Variants in TRAPPC9 observed in about 807,000 individuals in gnomAD.
The protein encoded by TRAPPC9 is trafficking protein particle complex subunit 9, also known as IKK2 binding protein.
TRAPPC9 carries 83 observed loss-of-function variants against 124.0 expected under a neutral mutation model. The ratio of observed to expected loss-of-function variants is 0.67; its 90% CI spans 0.56 to 0.80. The LOEUF (loss-of-function observed/expected upper bound fraction) is 0.80, where lower values mean the gene tolerates loss of function less well. Ranked by LOEUF, TRAPPC9 falls within the 30% of genes least tolerant of loss-of-function variation. TRAPPC9 has a pLI of 0.00. For missense variants in TRAPPC9, 1,302 were observed against 1,508.3 expected (o/e 0.86, Z 2.27); for synonymous variants, 638 against 617.5 (o/e 1.03, Z -0.49).
intron 18 of TRAPPC9, among the ~76,000 whole-genome samples, chr8:140,009,365 G>A (rs997639383): frequency 6.6e-6 from 1 of 152,160 alleles, no homozygotes; most frequent in African/African-American, 2.4e-5. Flanking sequence ...AGTCAGCAAG[G>A]ATCAGGAAAA....
At chr8:139,933,157 G>T (rs1330308184) in intron 19 of TRAPPC9, 1 of 154,442 alleles carries the variant, frequency 6.5e-6, no homozygotes, top group African/African-American at 2.4e-5. Context: ...CAGCTGCCTT[G>T]AGGACATGCC....
intron 16 of TRAPPC9, among the ~76,000 whole-genome samples, chr8:140,247,995 G>A (rs1273562795): frequency 1.3e-5 from 2 of 152,012 alleles, no homozygotes; most frequent in African/African-American, 2.4e-5. Flanking sequence ...CAGCTTCTGA[G>A]CACGTTCTTC....
intron 20 of TRAPPC9, among the ~76,000 whole-genome samples, chr8:139,898,294 C>T (rs1031931584): frequency 9.9e-5 from 15 of 152,220 alleles, no homozygotes; most frequent in African/African-American, 2.9e-4. Context: ...ATACTTGTGG[C>T]CATGACCGAT....
intron 9 of TRAPPC9, among the ~76,000 whole-genome samples, chr8:140,357,987 C>T (rs2067805920): frequency 6.6e-6 from 1 of 152,236 alleles, no homozygotes; most frequent in Non-Finnish European, 1.5e-5. Flanking sequence ...ACAACAGCTA[C>T]TCCACACGAG....
intron 9 of TRAPPC9, among the ~76,000 whole-genome samples, chr8:140,341,042 G>C (rs1588177291): frequency 6.6e-6 from 1 of 152,088 alleles, no homozygotes; most frequent in East Asian, 1.9e-4. Context: ...TCATGTTACT[G>C]AGGAGGAAAC....
At chr8:139,771,987 G>A (rs555013262) in intron 21 of TRAPPC9, among the ~76,000 whole-genome samples, 1 of 152,250 alleles carries the variant, frequency 6.6e-6, no homozygotes, top group East Asian at 1.9e-4. Flanking sequence ...TGAGCTCACA[G>A]TGACAGCCCC....
At chr8:140,024,609 C>T (rs1840016065) in intron 17 of TRAPPC9, among the ~76,000 whole-genome samples, 1 of 152,050 alleles carries the variant, frequency 6.6e-6, no homozygotes, top group Non-Finnish European at 1.5e-5. Flanking sequence ...GTTGGCCAGG[C>T]TGTTCTTGAA....
In TRAPPC9 at chr8:139,989,314, T is replaced by C. The variant is rs567247184; in HGVS notation, c.2700-478A>G. Among the ~76,000 whole-genome samples the C allele has an allele frequency of 6.4e-3, 860 of 134,242 alleles. 6 individuals are homozygous for C. Among genetic ancestry groups the C allele is most frequent in the African/African-American group, 0.02 (820 of 41,118 alleles). The allele number at this position is 134,242 out of a possible 152,430, so 88.1% of individuals were successfully genotyped here. On this transcript the variant is annotated intron_variant, in intron 18 of 22. Coordinates refer to ENST00000438773, the MANE Select transcript of TRAPPC9 (RefSeq NM_001160372.4). ...TGGTGACGCATGTCCTGCTTGTGTG[T>C]GTGTGTGCACATCCAGCACGAGCTT...
At chr8:140,190,567 G>A (rs527668754) in intron 17 of TRAPPC9, among the ~76,000 whole-genome samples, 13 of 152,276 alleles carry the variant, frequency 8.5e-5, no homozygotes, top group Middle Eastern at 3.4e-3. Flanking sequence ...GGGCCCAACC[G>A]CCCAGGTACA....
At chr8:140,372,549 G>C (rs1394955704) in intron 7 of TRAPPC9, among the ~76,000 whole-genome samples, 1 of 152,142 alleles carries the variant, frequency 6.6e-6, no homozygotes, top group East Asian at 1.9e-4. Context: ...CCCGAGCCAC[G>C]GTTTGAATGT....
chr8:140,358,280 C>T lies in TRAPPC9; in HGVS notation c.1495+1770G>A, dbSNP rs140794898. Among the ~76,000 whole-genome samples the T allele has an allele frequency of 4.1e-3, 622 of 152,318 alleles. 5 individuals carry two copies. The highest frequency in any genetic ancestry group is 6.5e-3 in the Admixed American group (100 of 15,308). On this transcript the variant is annotated intron_variant, in intron 9 of 22. Transcript: ENST00000438773. The stretch of plus-strand genomic sequence containing the variant: ...GGAGTGCAATGGCGCAACATTGGCT[C>T]TCTGCAAGCGCCACTCCTGGGTTCA...
At position 140,300,588 on chromosome 8, in the gene TRAPPC9, G is replaced by A; in HGVS notation, c.1649C>T (p.Ala550Val). Residue 550 changes from alanine (A) to valine (V), a missense_variant, in exon 11 of 23, where the codon GCT (alanine) becomes GTT (valine). Coordinates refer to ENST00000438773, the MANE Select transcript of TRAPPC9 (RefSeq NM_001160372.4). ...VRHVKLLNLPASLRPHKMKSL... is the reference protein window; with the variant it reads ...VRHVKLLNLPVSLRPHKMKSL... ...TTTCATTTTGTGTGGCCGGAGGCTA[G>A]CAGGAAGGTTCAATAGTTTCACATG... is the stretch of plus-strand genomic sequence containing the variant. 1 of 1,614,256 alleles carries A rather than the reference G, an allele frequency of 6.2e-7. No individual in the cohort carries two copies. Among genetic ancestry groups the A allele is most frequent in the Non-Finnish European group, 8.5e-7 (1 of 1,180,040 alleles).
intron 9 of TRAPPC9, among the ~76,000 whole-genome samples, chr8:140,356,026 C>T (rs2067731538): frequency 6.6e-6 from 1 of 152,162 alleles, no homozygotes; most frequent in African/African-American, 2.4e-5. Context: ...GTTAAAGCAT[C>T]AATGAGAACC....
intron 17 of TRAPPC9, among the ~76,000 whole-genome samples, chr8:140,032,363 T>C (rs746099369): frequency 6.6e-6 from 1 of 152,182 alleles, no homozygotes; most frequent in Non-Finnish European, 1.5e-5. Context: ...TTTACATACA[T>C]TTATTTACAC....
intron 11 of TRAPPC9, among the ~76,000 whole-genome samples, chr8:140,298,148 AG>A (rs2065865685): frequency 6.6e-6 from 1 of 152,260 alleles, no homozygotes; most frequent in South Asian, 2.1e-4. Context: ...CTAGAATAAA[AG>A]AAATGATTAC....
At chr8:140,289,684 C>CA (rs36003180) in intron 12 of TRAPPC9, among the ~76,000 whole-genome samples, 61 of 149,598 alleles carry the variant, frequency 4.1e-4, no homozygotes, top group Admixed American at 1.9e-3. Context: ...ATTTTAAGAC[C>CA]AAAAAAAAAA....
chr8:140,025,889 C>T (rs536390491), intron 17 of TRAPPC9, among the ~76,000 whole-genome samples: 14 of 152,310 alleles, frequency 9.2e-5, no homozygotes, highest in African/African-American at 1.4e-4. Context: ...GTACACAGTT[C>T]AGTGGTGTTA....
At chr8:140,254,421 A>C (rs1297046830) in intron 15 of TRAPPC9, among the ~76,000 whole-genome samples, 1 of 152,242 alleles carries the variant, frequency 6.6e-6, no homozygotes, top group African/African-American at 2.4e-5. Flanking sequence ...AGTGCAGCCC[A>C]CATGGCCCTA....
intron 16 of TRAPPC9, among the ~76,000 whole-genome samples, chr8:140,237,499 T>C (rs1049301448): frequency 1.3e-5 from 2 of 151,910 alleles, no homozygotes; most frequent in Non-Finnish European, 2.9e-5. Context: ...GTAAGTCCAG[T>C]TAAATCTCCA....
Sources: allele counts gnomAD v4.1 joint callset (sites outside exome capture counted in the v4.1 genomes callset), GRCh38; gene constraint gnomAD v4.1.1; transcripts MANE v1.5; gene names NCBI Gene and HGNC (gene_info 2026-07-23, HGNC 2026-07-21).